YAE1: variants seen among roughly 807,000 people sequenced by gnomAD.
The protein encoded by YAE1 is protein YAE1 homolog.
Under a neutral mutation model 23.0 loss-of-function variants are expected in YAE1, and 22 were observed. The observed-to-expected ratio is 0.96, with a 90% CI of 0.68 to 1.37. YAE1 has a LOEUF of 1.37. YAE1 is among the 40% of genes most tolerant of loss of function. The pLI is 0.00. For missense variants in YAE1, 260 were observed against 262.1 expected (o/e 0.99, Z 0.06); for synonymous variants, 101 against 97.0 (o/e 1.04, Z -0.24).
exon 3 of YAE1, chr7:39,609,921 C>A (rs1369561914): frequency 2.6e-6 from 4 of 1,527,938 alleles, no homozygotes; most frequent in Non-Finnish European, 3.5e-6. Context: ...GCCAGAGGCA[C>A]CTTCCAACTC....
chr7:39,573,006 G>C (rs1583669461), downstream of YAE1: 1 of 619,740 alleles, frequency 1.6e-6, no homozygotes, highest in Non-Finnish European at 2.1e-6. Flanking sequence ...AAGTGAACAA[G>C]AATTAAACAT....
downstream of YAE1, among the ~76,000 whole-genome samples, chr7:39,577,745 C>T (rs1790676903): frequency 1.3e-5 from 2 of 152,242 alleles, no homozygotes; most frequent in Non-Finnish European, 2.9e-5. Context: ...TGCTCTGCTG[C>T]GCCCGGTCCC....
intron 2 of YAE1, among the ~76,000 whole-genome samples, chr7:39,596,643 A>G (rs1479593831): frequency 6.6e-6 from 1 of 151,966 alleles, no homozygotes; most frequent in Non-Finnish European, 1.5e-5. Context: ...CTCAGGCACC[A>G]TTTTCTGTGC....
intron 2 of YAE1, among the ~76,000 whole-genome samples, chr7:39,592,014 T>G (rs1790907395): frequency 6.6e-6 from 1 of 152,254 alleles, no homozygotes; most frequent in African/African-American, 2.4e-5. Context: ...TATGGCTTGA[T>G]AGCTCATTTC....
intron 2 of YAE1, among the ~76,000 whole-genome samples, chr7:39,593,741 G>A (rs1790937809): frequency 6.6e-6 from 1 of 152,178 alleles, no homozygotes; most frequent in Non-Finnish European, 1.5e-5. Flanking sequence ...TTACAGGCAT[G>A]AGCCACCGCA....
chr7:39,601,538 T>A (rs1241938067), intron 2 of YAE1, among the ~76,000 whole-genome samples: 1 of 152,048 alleles, frequency 6.6e-6, no homozygotes, highest in Non-Finnish European at 1.5e-5. Flanking sequence ...GATGGGTGGA[T>A]CACCTGAGGT....
rs547739993 is a variant in YAE1 at position 39,589,616 on chromosome 7, A to G, written c.251+18989A>G. Among the ~76,000 whole-genome samples, 76 of 152,332 alleles carry G rather than the reference A, an allele frequency of 5.0e-4. 1 individual carries two copies. Among genetic ancestry groups the G allele is most frequent in the African/African-American group, 1.8e-3 (73 of 41,584 alleles). ...TTCTGTATTTAAATTTGTATTTCTC[A>G]TAACTATTACTAATAGAAAGATAAT... On this transcript the variant is annotated intron_variant, in intron 2 of 2. Transcript: ENST00000432096.
At chr7:39,583,764 T>C (rs1312249819) in intron 2 of YAE1, among the ~76,000 whole-genome samples, 1 of 152,210 alleles carries the variant, frequency 6.6e-6, no homozygotes, top group Non-Finnish European at 1.5e-5. Context: ...CGTGCAATTA[T>C]GTATGTAAAG....
downstream of YAE1, among the ~76,000 whole-genome samples, chr7:39,576,674 TC>T (rs1440358553): frequency 6.6e-6 from 1 of 152,128 alleles, no homozygotes; most frequent in Admixed American, 6.6e-5. Context: ...TCCCAATGTT[TC>T]CCCTGCATCA....
intron 2 of YAE1, among the ~76,000 whole-genome samples, chr7:39,600,672 C>G (rs776494153): frequency 2.6e-5 from 4 of 152,186 alleles, no homozygotes; most frequent in Non-Finnish European, 5.9e-5. Context: ...GTTGGGATTA[C>G]AGGTGTGAGC....
Position 39,572,288 on chromosome 7 carries a change from C to A in YAE1, c.263C>A (p.Ser88Tyr). 6.2e-7 allele frequency: 1 copy of A among 1,611,260 alleles called. No homozygotes were observed. Among genetic ancestry groups the A allele is most frequent in the South Asian group, 1.1e-5 (1 of 90,568 alleles). The change falls in exon 3 of 3, where the codon TCC (serine) becomes TAC (tyrosine). Residue 88 changes from serine to tyrosine, a missense_variant. Transcript: ENST00000223273. ...ATACTTTTGTTCAGTGCTTTGCTCTCCTGGTGTCACCTTCATAATAATAAT... is the reference window on the plus strand; with the variant it reads ...ATACTTTTGTTCAGTGCTTTGCTCTACTGGTGTCACCTTCATAATAATAAT... ...RLRGTLSALL[S>Y]WCHLHNNNST...
intron 1 of YAE1, chr7:39,569,982 C>A: frequency 7.4e-7 from 1 of 1,359,662 alleles, no homozygotes; most frequent in South Asian, 1.2e-5. Context: ...AGATCTTCTC[C>A]CCATTCAGCA....
intron 2 of YAE1, among the ~76,000 whole-genome samples, chr7:39,585,552 CT>C (rs2115808468): frequency 6.6e-6 from 1 of 152,340 alleles, no homozygotes; most frequent in African/African-American, 2.4e-5. Context: ...AAATAAATGT[CT>C]GTTCAACCCA....
intron 2 of YAE1, among the ~76,000 whole-genome samples, chr7:39,594,242 C>T (rs1562595045): frequency 6.6e-6 from 1 of 152,226 alleles, no homozygotes; most frequent in Non-Finnish European, 1.5e-5. Context: ...TTTATATTCA[C>T]AAACTGGGGC....
downstream of YAE1, among the ~76,000 whole-genome samples, chr7:39,575,577 A>AGAGAGAGAGTGTGT (rs1173016799): frequency 3.7e-5 from 3 of 80,270 alleles, no homozygotes; most frequent in East Asian, 6.2e-4. Context: ...AGAGAGAGAG[A>AGAGAGAGAGTGTGT]GTGAGTGTGT....
intron 2 of YAE1, among the ~76,000 whole-genome samples, chr7:39,586,863 T>C (rs960536902): frequency 2.6e-5 from 4 of 152,198 alleles, no homozygotes; most frequent in African/African-American, 9.6e-5. Context: ...GCTTACGTTG[T>C]CTTGGAGTAC....
chr7:39,592,805 C>G (rs1583679850), intron 2 of YAE1, among the ~76,000 whole-genome samples: 1 of 152,242 alleles, frequency 6.6e-6, no homozygotes, highest in South Asian at 2.1e-4. Context: ...TCAGTAGTTT[C>G]ATTACAACGT....
chr7:39,595,319 C>T (rs1457999036), intron 2 of YAE1, among the ~76,000 whole-genome samples: 2 of 151,950 alleles, frequency 1.3e-5, no homozygotes, highest in African/African-American at 4.8e-5. Context: ...TTTTGTCCAG[C>T]GTTTTTCTGG....
intron 2 of YAE1, among the ~76,000 whole-genome samples, chr7:39,594,837 C>A (rs1214435157): frequency 5.3e-5 from 8 of 152,180 alleles, no homozygotes; most frequent in African/African-American, 1.9e-4. Context: ...CTCAAGCAAT[C>A]CACCTGCCTT....
Sources: allele counts gnomAD v4.1 joint callset (sites outside exome capture counted in the v4.1 genomes callset), GRCh38; gene constraint gnomAD v4.1.1; transcripts MANE v1.5; gene names NCBI Gene and HGNC (gene_info 2026-07-23, HGNC 2026-07-21).